Variants in SDK1 observed in about 807,000 individuals in gnomAD.
The protein encoded by SDK1 is sidekick cell adhesion molecule 1.
Under a neutral mutation model 245.5 loss-of-function variants are expected in SDK1, and 157 were observed. The observed-to-expected ratio is 0.64, with a 90% CI of 0.56 to 0.73. The LOEUF is 0.73. Ranked by LOEUF, SDK1 falls within the 30% of genes least tolerant of loss-of-function variation. The pLI is 0.00. For synonymous variants in SDK1, 1,647 were observed against 1,278.5 expected (o/e 1.29, Z -6.15); for missense variants, 3,583 against 3,002.3 (o/e 1.19, Z -4.52).
intron 4 of SDK1, among the ~76,000 whole-genome samples, chr7:3,778,062 T>C (rs560470227): frequency 2.8e-4 from 43 of 152,202 alleles, no homozygotes; most frequent in Non-Finnish European, 5.0e-4. Flanking sequence ...TGCCTTCCTT[T>C]CTGACAAAGT....
At chr7:3,686,935 A>T (rs1784300339) in intron 4 of SDK1, among the ~76,000 whole-genome samples, 1 of 152,024 alleles carries the variant, frequency 6.6e-6, no homozygotes, top group Non-Finnish European at 1.5e-5. Context: ...GTGGCCCTGG[A>T]GTGTGAGTGC....
intron 4 of SDK1, among the ~76,000 whole-genome samples, chr7:3,751,928 C>G (rs1180165903): frequency 3.9e-5 from 6 of 152,128 alleles, no homozygotes; most frequent in Admixed American, 2.6e-4. Flanking sequence ...TGAAACATTA[C>G]AAACAATGGG....
intron 17 of SDK1, among the ~76,000 whole-genome samples, chr7:4,027,834 G>T (rs772319929): frequency 5.9e-5 from 9 of 152,232 alleles, no homozygotes; most frequent in Middle Eastern, 3.4e-3. Flanking sequence ...GCTTTAACTG[G>T]CAGCAAACGG....
chr7:3,333,087 C>T (rs140731960), intron 1 of SDK1, among the ~76,000 whole-genome samples: 2 of 152,242 alleles, frequency 1.3e-5, no homozygotes, highest in Non-Finnish European at 2.9e-5. Context: ...CTTTGGTATT[C>T]TCACAGGTAT....
chr7:3,987,091 T>C lies in SDK1; in HGVS notation c.1995-95T>C, dbSNP rs112630467. ...TTTTATGTTATTCATTTCCCAAACA[T>C]GACACAGCAGGACGGTCTGCTGTAA... On this transcript the variant is annotated intron_variant, in intron 13 of 44. Coordinates refer to ENST00000404826, the MANE Select transcript of SDK1 (RefSeq NM_152744.4). The C allele has an allele frequency of 4.3e-4, 534 of 1,227,948 alleles. 7 individuals are homozygous for C. In the African/African-American group the frequency reaches 6.7e-3, roughly 15 times the overall value. 76.1% of individuals were successfully genotyped at this position (1,227,948 alleles called of 1,614,324 possible).
rs563742795 is a variant in SDK1, at chr7:3,974,399, G to C, written c.1848G>C (p.Leu616=). Residue 616 remains leucine, a synonymous_variant, in exon 13 of 45, where the codon CTG becomes CTC. Transcript: ENST00000404826. ...RYVWKKDNVA[L]TPSSTSRIVV... is the part of the protein sequence containing the mutation. ...TTTGGAAGAAGGACAACGTGGCCCT[G>C]ACTCCATCGAGCACGTCTAGGATCG... 1.2e-5 allele frequency: 20 copies of C among 1,613,918 alleles called. No individual in the cohort carries two copies. The African/African-American group carries it at 1.7e-4, about 14-fold the overall frequency.
intron 5 of SDK1, among the ~76,000 whole-genome samples, chr7:3,853,493 C>T (rs1367909853): frequency 6.6e-6 from 1 of 152,030 alleles, no homozygotes; most frequent in African/African-American, 2.4e-5. Context: ...TATATATATG[C>T]ATTTGTATGC....
At chr7:4,074,884 C>CTCTG (rs1377225405) in intron 20 of SDK1, among the ~76,000 whole-genome samples, 1 of 62,490 alleles carries the variant, frequency 1.6e-5, no homozygotes, top group Non-Finnish European at 2.8e-5. Flanking sequence ...CTCTCTCTCT[C>CTCTG]TGTATATATA....
At chr7:3,728,537 A>G (rs1254526217) in intron 4 of SDK1, among the ~76,000 whole-genome samples, 2 of 152,238 alleles carry the variant, frequency 1.3e-5, no homozygotes, top group East Asian at 3.9e-4. Context: ...TTTCTGGTCA[A>G]CAGTGGAGAA....
At chr7:3,775,161 T>C (rs1299983834) in intron 4 of SDK1, among the ~76,000 whole-genome samples, 2 of 152,234 alleles carry the variant, frequency 1.3e-5, no homozygotes, top group African/African-American at 2.4e-5. Context: ...AATGTGCTAT[T>C]GGTTTTCAGT....
At chr7:3,578,697 C>G (rs1489709246) in intron 1 of SDK1, among the ~76,000 whole-genome samples, 2 of 151,850 alleles carry the variant, frequency 1.3e-5, no homozygotes, top group East Asian at 3.9e-4. Context: ...ACCTCTCCTG[C>G]TTGCACATCC....
chr7:4,002,670 A>G (rs910149307), intron 14 of SDK1, among the ~76,000 whole-genome samples: 3 of 152,178 alleles, frequency 2.0e-5, no homozygotes, highest in Non-Finnish European at 2.9e-5. Flanking sequence ...ACAAACATAT[A>G]TATACACAAA....
chr7:3,852,182 T>G (rs1780434335), intron 5 of SDK1, among the ~76,000 whole-genome samples: 1 of 152,010 alleles, frequency 6.6e-6, no homozygotes, highest in South Asian at 2.1e-4. Context: ...CTAGGCTTTT[T>G]TTTTTTTTTA....
intron 1 of SDK1, among the ~76,000 whole-genome samples, chr7:3,526,843 A>G (rs756217768): frequency 1.3e-5 from 2 of 152,128 alleles, no homozygotes; most frequent in African/African-American, 4.8e-5. Flanking sequence ...AATCTTATAT[A>G]TATCTTCCAG....
At chr7:3,832,077 TA>T (rs1779926627) in intron 5 of SDK1, among the ~76,000 whole-genome samples, 3 of 152,212 alleles carry the variant, frequency 2.0e-5, no homozygotes, top group Admixed American at 6.5e-5. Context: ...ATAATCATAA[TA>T]ACCACCATTT....
At chr7:4,055,550 GTTGTTTTTGTTT>G (rs145251617) in intron 19 of SDK1, among the ~76,000 whole-genome samples, 37,739 of 149,864 alleles carry the variant, frequency 0.25, 6,987 homozygotes, top group African/African-American at 0.55. Flanking sequence ...TGTTGTTGTT[GTTGTTTTTGTTT>G]TTTGTTTTTT....
intron 2 of SDK1, 67 bp downstream of exon 2, chr7:3,619,306 G>A: frequency 2.2e-6 from 3 of 1,358,148 alleles, no homozygotes; most frequent in African/African-American, 1.4e-5. Flanking sequence ...TGCCTTACTG[G>A]TCATAATAGC....
At chr7:3,553,730 G>A (rs527917931) in intron 1 of SDK1, among the ~76,000 whole-genome samples, 1 of 152,318 alleles carries the variant, frequency 6.6e-6, no homozygotes, top group East Asian at 1.9e-4. Flanking sequence ...TGGTCCAGCT[G>A]AGTAGCTTCT....
intron 1 of SDK1, among the ~76,000 whole-genome samples, chr7:3,488,268 C>G (rs879663294): frequency 6.6e-6 from 1 of 151,978 alleles, no homozygotes; most frequent in Non-Finnish European, 1.5e-5. Flanking sequence ...GGTTTATTTG[C>G]TTTTTTCTTT....
Sources: allele counts gnomAD v4.1 joint callset (sites outside exome capture counted in the v4.1 genomes callset), GRCh38; gene constraint gnomAD v4.1.1; transcripts MANE v1.5; gene names NCBI Gene and HGNC (gene_info 2026-07-23, HGNC 2026-07-21).